The following CTNNA3 variants were observed in gnomAD, a reference collection of about 807,000 sequenced individuals.
The protein encoded by CTNNA3 is catenin alpha 3, also known as catenin alpha-3.
A neutral mutation model predicts 95.7 loss-of-function variants in CTNNA3; 76 were observed. The observed-to-expected ratio is 0.79, with a 90% CI of 0.66 to 0.96. The LOEUF is 0.96. Among genes scored for constraint, CTNNA3 ranks in the 40% least tolerant of loss-of-function variants. The probability of loss-of-function intolerance (pLI) is 0.00; values close to 1 mark genes in which losing one functional copy is unlikely to be tolerated. For missense variants in CTNNA3, 1,191 were observed against 1,089.8 expected (o/e 1.09, Z -1.31); for synonymous variants, 431 against 374.4 (o/e 1.15, Z -1.74).
upstream of CTNNA3, among the ~76,000 whole-genome samples, chr10:67,698,781 T>C (rs1476316961): frequency 6.6e-6 from 1 of 152,160 alleles, no homozygotes; most frequent in African/African-American, 2.4e-5. Flanking sequence ...TCTGGCACCT[T>C]GTCAGGTATT....
At chr10:67,514,084 G>A (rs1053207687) in intron 5 of CTNNA3, among the ~76,000 whole-genome samples, 36 of 152,044 alleles carry the variant, frequency 2.4e-4, no homozygotes, top group Admixed American at 2.4e-3. Flanking sequence ...GCTGAGACGG[G>A]TGAATCGAGT....
chr10:67,463,740 G>A (rs1043509744), intron 5 of CTNNA3, among the ~76,000 whole-genome samples: 1 of 152,136 alleles, frequency 6.6e-6, no homozygotes, highest in African/African-American at 2.4e-5. Context: ...AGGCTTTGCA[G>A]GCCATATAGT....
chr10:67,325,819 T>C (rs1383842837), intron 5 of CTNNA3, among the ~76,000 whole-genome samples: 1 of 152,156 alleles, frequency 6.6e-6, no homozygotes, highest in Non-Finnish European at 1.5e-5. Flanking sequence ...TGGCTAATAT[T>C]GTTAGTGGGG....
In CTNNA3 at chr10:67,395,747, A is replaced by G. The variant is rs143469211; in HGVS notation, c.579+126095T>C. Among the ~76,000 whole-genome samples the G allele has an allele frequency of 5.3e-3, 810 of 152,318 alleles. 7 individuals carry two copies. The highest frequency in any genetic ancestry group is 0.018 in the African/African-American group (761 of 41,578). On this transcript the variant is annotated intron_variant, in intron 5 of 17. Coordinates refer to ENST00000433211, the MANE Select transcript of CTNNA3 (RefSeq NM_013266.4). ...TAAATGATGACATTACATAACAACA[A>G]TAGTTAAGATTTTTTAACATTTCCA...
chr10:66,717,653 G>T (rs1451521241), intron 9 of CTNNA3, among the ~76,000 whole-genome samples: 2 of 152,244 alleles, frequency 1.3e-5, no homozygotes, highest in East Asian at 3.9e-4. Context: ...GTAGGAAGCA[G>T]TCTCCCTGAA....
chr10:66,252,338 T>C (rs1169014813), intron 13 of CTNNA3, among the ~76,000 whole-genome samples: 1 of 152,242 alleles, frequency 6.6e-6, no homozygotes, highest in Non-Finnish European at 1.5e-5. Flanking sequence ...AGTCAATTTC[T>C]AATTAAAATA....
intron 1 of CTNNA3, among the ~76,000 whole-genome samples, chr10:67,711,277 G>A (rs559367231): frequency 1.3e-5 from 2 of 152,312 alleles, no homozygotes; most frequent in Admixed American, 1.3e-4. Context: ...GAAGCGACTG[G>A]AACTGGGTAA....
At chr10:66,067,853 T>C (rs936839195) in intron 15 of CTNNA3, among the ~76,000 whole-genome samples, 1 of 152,056 alleles carries the variant, frequency 6.6e-6, no homozygotes, top group Non-Finnish European at 1.5e-5. Context: ...AAGGCAGAGG[T>C]TGCAGTGAGC....
chr10:67,016,066 T>A (rs1051380116), intron 7 of CTNNA3, among the ~76,000 whole-genome samples: 4 of 152,352 alleles, frequency 2.6e-5, no homozygotes, highest in Admixed American at 2.6e-4. Flanking sequence ...TTCTGAACCC[T>A]ATTTTTAGAA....
At chr10:66,830,437 A>T in intron 7 of CTNNA3, among the ~76,000 whole-genome samples, 1 of 141,782 alleles carries the variant, frequency 7.1e-6, no homozygotes, top group East Asian at 1.9e-4. Context: ...GTACCGACAG[A>T]GGTTAAGTTA....
chr10:66,721,894 C>T (rs1848639391), intron 9 of CTNNA3, among the ~76,000 whole-genome samples: 1 of 152,100 alleles, frequency 6.6e-6, no homozygotes, highest in African/African-American at 2.4e-5. Flanking sequence ...AGGAAAAAAA[C>T]CTTTAAAAAC....
intron 13 of CTNNA3, among the ~76,000 whole-genome samples, chr10:66,278,157 C>A (rs2091430260): frequency 7.0e-6 from 1 of 142,706 alleles, no homozygotes; most frequent in African/African-American, 2.6e-5. Context: ...CAGAACAAAT[C>A]AAAATAAAGG....
chr10:66,556,546 T>C (rs1225474200), intron 10 of CTNNA3, among the ~76,000 whole-genome samples: 1 of 151,972 alleles, frequency 6.6e-6, no homozygotes, highest in Non-Finnish European at 1.5e-5. Context: ...TATTTAGCCT[T>C]AATAAAGGAG....
intron 5 of CTNNA3, among the ~76,000 whole-genome samples, chr10:67,314,004 T>C (rs1372900703): frequency 6.6e-6 from 1 of 152,074 alleles, no homozygotes. Context: ...AGAGAGTGCA[T>C]AGAGTTAGCA....
chr10:67,521,704 G>A, intron 5 of CTNNA3, 138 bp downstream of exon 5: 1 of 1,079,640 alleles, frequency 9.3e-7, no homozygotes, highest in Non-Finnish European at 1.3e-6. Flanking sequence ...GAACACAGCA[G>A]ATCAGCACAG....
chr10:66,787,681 A>G (rs1462756746), intron 7 of CTNNA3, among the ~76,000 whole-genome samples: 1 of 152,220 alleles, frequency 6.6e-6, no homozygotes, highest in Admixed American at 6.5e-5. Flanking sequence ...AGAAGTCGGT[A>G]GAAATTGGTA....
intron 7 of CTNNA3, among the ~76,000 whole-genome samples, chr10:66,929,275 C>T (rs1014444243): frequency 2.0e-5 from 3 of 152,216 alleles, no homozygotes. Flanking sequence ...GATTTCTCCA[C>T]CACACCTCAC....
chr10:66,046,852 T>C (rs1403027315), intron 15 of CTNNA3, among the ~76,000 whole-genome samples: 2 of 151,936 alleles, frequency 1.3e-5, no homozygotes, highest in Admixed American at 1.3e-4. Flanking sequence ...TACAAACATC[T>C]CTAGGCACAC....
intron 13 of CTNNA3, among the ~76,000 whole-genome samples, chr10:66,268,483 G>A (rs1393852671): frequency 6.6e-6 from 1 of 152,166 alleles, no homozygotes; most frequent in Non-Finnish European, 1.5e-5. Context: ...ACCTTCCTCA[G>A]TCTTCTACTC....
Sources: allele counts gnomAD v4.1 joint callset (sites outside exome capture counted in the v4.1 genomes callset), GRCh38; gene constraint gnomAD v4.1.1; transcripts MANE v1.5; gene names NCBI Gene and HGNC (gene_info 2026-07-23, HGNC 2026-07-21).